DMD: variants seen among roughly 807,000 people sequenced by gnomAD.
The protein encoded by DMD is dystrophin, also known as mutant dystrophin.
A neutral mutation model predicts 330.1 loss-of-function variants in DMD; 63 were observed. That is an observed-to-expected ratio of 0.19 (90% CI 0.16 to 0.24). The LOEUF is 0.24. DMD is among the 10% of genes least tolerant of loss of function. DMD has a pLI of 1.00. For synonymous variants in DMD, 1,223 were observed against 959.8 expected (o/e 1.27, Z -5.07); for missense variants, 3,344 against 2,684.1 (o/e 1.25, Z -5.43).
chrX:32,530,419 A>G (rs2047371551), intron 17 of DMD, among the ~76,000 whole-genome samples: 2 of 112,385 alleles, frequency 1.8e-5, no homozygotes, highest in Admixed American at 9.4e-5. Context: ...GACGTCTGGT[A>G]GGTAGAAATG....
chrX:32,938,196 A>G lies in DMD; in HGVS notation c.93+81943T>C, dbSNP rs951888993. On this transcript the variant is annotated intron_variant, in intron 2 of 78. Coordinates refer to ENST00000357033, the MANE Select transcript of DMD (RefSeq NM_004006.3). ...CATTCTGGTTCTCTTGGTAATTTAC[A>G]TTTTTTAAAGGAAACTCTAAGATGC... Among the ~76,000 whole-genome samples, 40 of 111,492 alleles carry G rather than the reference A, an allele frequency of 3.6e-4. 1 individual carries two copies. Among genetic ancestry groups the G allele is most frequent in the African/African-American group, 1.3e-3 (39 of 30,670 alleles).
chrX:31,879,657 G>A (rs1424117125), intron 47 of DMD, among the ~76,000 whole-genome samples: 1 of 111,335 alleles, frequency 9.0e-6, no homozygotes, highest in Non-Finnish European at 1.9e-5. Flanking sequence ...ATCACTTAAT[G>A]GTTGGGTGGA....
chrX:31,241,919 G>T (rs2048336196), intron 63 of DMD, among the ~76,000 whole-genome samples: 1 of 110,921 alleles, frequency 9.0e-6, no homozygotes, highest in African/African-American at 3.3e-5. Flanking sequence ...ATAATTTAAG[G>T]CACTTAGTTC....
chrX:31,456,650 T>A (rs1464400906), intron 59 of DMD, among the ~76,000 whole-genome samples: 1 of 111,333 alleles, frequency 9.0e-6, no homozygotes, highest in Non-Finnish European at 1.9e-5. Flanking sequence ...AGGGCAGCTG[T>A]AAAAGATGAA....
chrX:33,155,319 CTT>C (rs765047079), intron 1 of DMD, among the ~76,000 whole-genome samples: 3 of 97,850 alleles, frequency 3.1e-5, no homozygotes, highest in Admixed American at 1.1e-4. Flanking sequence ...GAGCCTTTCT[CTT>C]TTTTTTTTTT....
chrX:32,238,461 G>A (rs1396861747), intron 43 of DMD, among the ~76,000 whole-genome samples: 1 of 110,897 alleles, frequency 9.0e-6, no homozygotes, highest in Non-Finnish European at 1.9e-5. Context: ...GAGAGAGAGA[G>A]AGAGAGAGAG....
chrX:32,472,944 G>A (rs1033462), intron 21 of DMD, among the ~76,000 whole-genome samples: 7,342 of 110,038 alleles, frequency 0.067, 201 homozygotes, highest in East Asian at 0.11. Context: ...CTATTAAAGA[G>A]GCATATGTGT....
intron 44 of DMD, among the ~76,000 whole-genome samples, chrX:32,184,639 A>G (rs2096939043): frequency 9.0e-6 from 1 of 111,121 alleles, no homozygotes; most frequent in South Asian, 3.7e-4. Flanking sequence ...GAAAGCAAAG[A>G]GTTAGCAACC....
At chrX:32,197,747 C>T (rs961341945) in intron 44 of DMD, among the ~76,000 whole-genome samples, 3 of 111,239 alleles carry the variant, frequency 2.7e-5, no homozygotes, top group Non-Finnish European at 3.8e-5. Context: ...GTATATATCA[C>T]GTATTATACA....
intron 67 of DMD, among the ~76,000 whole-genome samples, chrX:31,191,681 G>A (rs750629153): frequency 3.6e-5 from 4 of 111,906 alleles, no homozygotes; most frequent in Middle Eastern, 4.2e-3. Flanking sequence ...CCCCAGCCAC[G>A]TGGAACTGTT....
At chrX:31,461,831 A>G (rs1209663788) in intron 59 of DMD, among the ~76,000 whole-genome samples, 1 of 111,680 alleles carries the variant, frequency 9.0e-6, no homozygotes, top group Non-Finnish European at 1.9e-5. Flanking sequence ...CACTTTACCT[A>G]ACCTGGGCAT....
chrX:31,933,005 A>G lies in DMD; in HGVS notation c.6615-778T>C, dbSNP rs1603616042. Among the ~76,000 whole-genome samples, 3 of 110,985 alleles carry G rather than the reference A, an allele frequency of 2.7e-5. No individual in the cohort carries two copies. The Middle Eastern group carries it at 0.014, about 514-fold the overall frequency. ...CGCCCCTGAGCTGTGACAACCAAATATGTTTCAAGGCACTGCCAAATATGC... is the reference window on the plus strand; with the variant it reads ...CGCCCCTGAGCTGTGACAACCAAATGTGTTTCAAGGCACTGCCAAATATGC... On this transcript the variant is annotated intron_variant, in intron 45 of 78. Transcript: ENST00000357033.
chrX:32,037,482 T>C (rs183012735), intron 44 of DMD, among the ~76,000 whole-genome samples: 1 of 112,363 alleles, frequency 8.9e-6, no homozygotes, highest in Admixed American at 9.4e-5. Context: ...TAATGATAGA[T>C]TCTTAAAACT....
chrX:32,458,900 T>C lies in DMD; in HGVS notation c.3433-4068A>G, dbSNP rs757189260. The stretch of plus-strand genomic sequence containing the variant: ...GTTCCTTATATATTTTGGATATTAA[T>C]CATTTGCCAGACATATGATTTGTGA... On this transcript the variant is annotated intron_variant, in intron 25 of 78. Coordinates refer to ENST00000357033, the MANE Select transcript of DMD (RefSeq NM_004006.3). Among the ~76,000 whole-genome samples the C allele has an allele frequency of 2.9e-3, 319 of 111,485 alleles. 2 individuals carry two copies. The highest frequency in any genetic ancestry group is 4.9e-3 in the Non-Finnish European group (260 of 52,856).
intron 55 of DMD, among the ~76,000 whole-genome samples, chrX:31,585,831 C>T (rs1317720056): frequency 9.0e-6 from 1 of 111,561 alleles, no homozygotes; most frequent in Non-Finnish European, 1.9e-5. Flanking sequence ...CCTCTCATAA[C>T]TAAATGATTA....
intron 53 of DMD, among the ~76,000 whole-genome samples, chrX:31,678,404 T>C (rs1405625455): frequency 8.9e-6 from 1 of 112,193 alleles, no homozygotes; most frequent in Non-Finnish European, 1.9e-5. Context: ...AGCTTAACCA[T>C]TGTTTAACAT....
intron 75 of DMD, 143 bp from the exon 76 acceptor site, chrX:31,146,557 A>C: frequency 3.4e-6 from 2 of 590,823 alleles, no homozygotes; most frequent in Non-Finnish European, 5.5e-6. Context: ...TTAATTTGGG[A>C]TATTTCACTG....
intron 12 of DMD, among the ~76,000 whole-genome samples, chrX:32,607,132 A>G (rs808520): frequency 0.4 from 43,432 of 108,875 alleles, 8,600 homozygotes; most frequent in African/African-American, 0.77. Flanking sequence ...CACCCCCTCA[A>G]TCTATTTTAA....
intron 53 of DMD, among the ~76,000 whole-genome samples, chrX:31,658,782 T>C (rs937517481): frequency 5.3e-5 from 6 of 112,628 alleles, no homozygotes; most frequent in African/African-American, 1.9e-4. Flanking sequence ...TTTTCAAACT[T>C]GCTATCTCAT....
Sources: gnomAD v4.1 joint callset for allele counts (sites outside exome capture counted in the v4.1 genomes callset) on GRCh38, gnomAD v4.1.1 for gene constraint, MANE v1.5 for transcripts, NCBI Gene and HGNC (gene_info 2026-07-23, HGNC 2026-07-21) for gene names.